Variants in ADK observed in about 807,000 individuals in gnomAD.
ADK encodes adenosine kinase, also known as N6,N6-dimethyladenosine kinase.
In ADK, 24 loss-of-function variants were observed where a neutral mutation model predicts 44.7. The observed-to-expected ratio is 0.54, with a 90% CI of 0.39 to 0.76. The LOEUF is 0.76. ADK is among the 30% of genes least tolerant of loss of function. ADK has a pLI of 0.00. For synonymous variants in ADK, 128 were observed against 142.6 expected, an observed-to-expected ratio of 0.90 and a Z score of 0.73; for missense variants, 321 against 425.1, an observed-to-expected ratio of 0.76 and a Z score of 2.15.
At position 74,312,914 on chromosome 10, in the gene ADK, CAAAAAAAAA is replaced by C. The variant is rs56052959; in HGVS notation, c.195-1735_195-1727del. Among the ~76,000 whole-genome samples the C allele has an allele frequency of 2.4e-4, 9 of 37,834 alleles. No individual in the cohort carries two copies. In the East Asian group the frequency reaches 2.4e-3, roughly 10 times the overall value. 24.8% of individuals were successfully genotyped at this position (37,834 alleles called of 152,430 possible). ...GGATGAAAAAGGAAGATTCTGTCTC[CAAAAAAAAA>C]AAAAAAAAAAAAAAAAAGTTAATGT... is the stretch of plus-strand genomic sequence containing the variant. On this transcript the variant is annotated intron_variant, in intron 3 of 10. Transcript: ENST00000539909.
chr10:74,251,894 C>CTTTTTTTTTT (rs566363104), intron 3 of ADK, among the ~76,000 whole-genome samples: 1 of 99,384 alleles, frequency 1.0e-5, no homozygotes, highest in African/African-American at 4.1e-5. Flanking sequence ...GTGGCAGATA[C>CTTTTTTTTTT]TTTTTTTTTT....
At chr10:74,453,387 T>C (rs1416533474) in intron 6 of ADK, among the ~76,000 whole-genome samples, 1 of 152,102 alleles carries the variant, frequency 6.6e-6, no homozygotes, top group African/African-American at 2.4e-5. Flanking sequence ...CTTTGTCTCT[T>C]CCTCTTCTTT....
At chr10:74,665,059 A>G (rs1038189558) in intron 9 of ADK, among the ~76,000 whole-genome samples, 2 of 152,216 alleles carry the variant, frequency 1.3e-5, no homozygotes, top group Admixed American at 6.5e-5. Context: ...GGCATAATAT[A>G]TACCACAAAT....
intron 7 of ADK, among the ~76,000 whole-genome samples, chr10:74,540,267 TA>T (rs1441464969): frequency 1.3e-5 from 2 of 152,178 alleles, no homozygotes; most frequent in Admixed American, 6.5e-5. Flanking sequence ...TAGTTTGAAT[TA>T]CTACGGAGAT....
chr10:74,602,969 A>G (rs560711308), intron 9 of ADK, among the ~76,000 whole-genome samples: 1 of 152,302 alleles, frequency 6.6e-6, no homozygotes, highest in East Asian at 1.9e-4. Context: ...TCAGGATGCA[A>G]TCATTCGCCA....
chr10:74,467,111 A>G (rs1846386222), intron 6 of ADK, among the ~76,000 whole-genome samples: 1 of 152,180 alleles, frequency 6.6e-6, no homozygotes, highest in South Asian at 2.1e-4. Context: ...CCAGCAGTGT[A>G]ATTATAACCA....
chr10:74,504,631 A>G (rs1406453900), intron 6 of ADK, among the ~76,000 whole-genome samples: 1 of 152,036 alleles, frequency 6.6e-6, no homozygotes, highest in African/African-American at 2.4e-5. Context: ...CCCCACTCAA[A>G]TCTCATCTCG....
At chr10:74,470,139 C>T (rs566270948) in intron 6 of ADK, among the ~76,000 whole-genome samples, 24 of 151,746 alleles carry the variant, frequency 1.6e-4, no homozygotes, top group African/African-American at 5.3e-4. Flanking sequence ...ATTCTCCTGC[C>T]TCAGCCTCCG....
intron 1 of ADK, among the ~76,000 whole-genome samples, chr10:74,195,648 T>G (rs977192653): frequency 2.7e-5 from 4 of 150,508 alleles, no homozygotes; most frequent in Non-Finnish European, 5.9e-5. Flanking sequence ...CATGCCTGGC[T>G]CAATTTTTTA....
intron 8 of ADK, among the ~76,000 whole-genome samples, chr10:74,593,289 CATTT>C (rs1471456092): frequency 2.0e-5 from 3 of 152,174 alleles, no homozygotes; most frequent in Non-Finnish European, 4.4e-5. Flanking sequence ...TAATTCTCTT[CATTT>C]AATCATTTAT....
At position 74,342,961 on chromosome 10, in the gene ADK, C is replaced by G. The variant is rs139126687; in HGVS notation, c.273+28216C>G. Among the ~76,000 whole-genome samples, 28 of 152,210 alleles carry G rather than the reference C, an allele frequency of 1.8e-4. No homozygotes were observed. The South Asian group carries it at 3.1e-3, about 17-fold the overall frequency. On this transcript the variant is annotated intron_variant, in intron 4 of 10. Transcript: ENST00000539909. ...TCCTTCTTTCTTTCTAATTTGGAAG[C>G]CTTTAACTATTTTCCCCCTTCCTTA...
chr10:74,309,532 C>T (rs1433218596), intron 3 of ADK, among the ~76,000 whole-genome samples: 1 of 152,084 alleles, frequency 6.6e-6, no homozygotes, highest in East Asian at 1.9e-4. Context: ...GGAGACAGAA[C>T]ATAGTAAGAA....
chr10:74,698,731 A>G (rs1375836791), intron 10 of ADK, among the ~76,000 whole-genome samples: 3 of 150,298 alleles, frequency 2.0e-5, no homozygotes, highest in African/African-American at 7.4e-5. Flanking sequence ...TAAATTTTTG[A>G]ATTTTTTTGT....
chr10:74,667,039 G>A (rs771174020), intron 9 of ADK, among the ~76,000 whole-genome samples: 27 of 151,746 alleles, frequency 1.8e-4, no homozygotes, highest in Non-Finnish European at 2.9e-4. Context: ...CCATGTTGGC[G>A]AGTCTGGTCT....
At chr10:74,531,733 T>G (rs1849298131) in intron 7 of ADK, among the ~76,000 whole-genome samples, 1 of 152,158 alleles carries the variant, frequency 6.6e-6, no homozygotes, top group African/African-American at 2.4e-5. Context: ...GGTCTCGTTT[T>G]GTTGCCCAGG....
At position 74,426,032 on chromosome 10, in the gene ADK, G is replaced by GAGA. The variant is rs367816653; in HGVS notation, c.555+27455_555+27457dup. Among the ~76,000 whole-genome samples the GAGA allele has an allele frequency of 5.0e-3, 764 of 152,182 alleles. 11 individuals are homozygous for GAGA. The highest frequency in any genetic ancestry group is 0.017 in the African/African-American group (714 of 41,542). ...ATGTATTTTTCTTTTTTGAGAAATA[G>GAGA]AGAAAAGTACAGAGAATATTAAAAC... On this transcript the variant is annotated intron_variant, in intron 6 of 10. Transcript: ENST00000539909.
At chr10:74,502,609 A>T (rs1189051387) in intron 6 of ADK, among the ~76,000 whole-genome samples, 1 of 152,180 alleles carries the variant, frequency 6.6e-6, no homozygotes, top group African/African-American at 2.4e-5. Flanking sequence ...TTCTTTCAAT[A>T]GACGAAAGCA....
At chr10:74,449,731 G>C (rs574343285) in intron 6 of ADK, among the ~76,000 whole-genome samples, 1 of 152,280 alleles carries the variant, frequency 6.6e-6, no homozygotes, top group African/African-American at 2.4e-5. Flanking sequence ...ATATGCTTTA[G>C]ATTGAGGCAG....
At chr10:74,548,662 G>T (rs1308322641) in intron 7 of ADK, among the ~76,000 whole-genome samples, 2 of 152,156 alleles carry the variant, frequency 1.3e-5, no homozygotes, top group Non-Finnish European at 2.9e-5. Context: ...CAAAAGGAAT[G>T]GTTGAGATTA....
Sources: allele counts gnomAD v4.1 joint callset (sites outside exome capture counted in the v4.1 genomes callset), GRCh38; gene constraint gnomAD v4.1.1; transcripts MANE v1.5; gene names NCBI Gene and HGNC (gene_info 2026-07-23, HGNC 2026-07-21).